Variants in DENND4A observed in about 807,000 individuals in gnomAD.
DENND4A encodes DENN domain containing 4A.
A neutral mutation model predicts 199.3 loss-of-function variants in DENND4A; 70 were observed. That is an observed-to-expected ratio of 0.35 (90% confidence interval 0.29 to 0.43). The LOEUF (loss-of-function observed/expected upper bound fraction) is 0.43, where lower values mean the gene tolerates loss of function less well. Among genes scored for constraint, DENND4A ranks in the 20% least tolerant of loss-of-function variants. The pLI is 1.00. For synonymous variants in DENND4A, 686 were observed against 766.9 expected (o/e 0.89, Z 1.74); for missense variants, 1,723 against 2,255.8 (o/e 0.76, Z 4.78).
In DENND4A at chr15:65,717,826, C is replaced by T; in HGVS notation, c.1759G>A (p.Ala587Thr). 1.2e-6 allele frequency: 2 copies of T among 1,606,470 alleles called. No homozygotes were observed. The highest frequency in any genetic ancestry group is 1.1e-5 in the South Asian group (1 of 89,594). The change falls in exon 13 of 33, where the codon GCC becomes ACC. Residue 587 changes from alanine to threonine, a missense_variant. Physicochemically the swap from Ala to Thr is moderately conservative, Grantham distance 58. Around this residue, in one of 6 missense-constraint regions of DENND4A, gnomAD observed 725 missense variants for 952.9 expected, o/e 0.76. Coordinates refer to ENST00000443035, the MANE Select transcript of DENND4A (RefSeq NM_001320835.1). ...GCATCTGTGGCTGTCTCAGATGGGG[C>T]TTGTGTTATTGGCCTTAAGTATGAT... The part of the protein sequence containing the change: ...YRSYLRPITQ[A>T]PSETATDAAS...
rs2074925320 is a variant in DENND4A, at chr15:65,702,911, G to A, written c.2185C>T (p.Pro729Ser). 1 of 1,613,212 alleles carries A rather than the reference G, an allele frequency of 6.2e-7. No homozygotes were observed. Among genetic ancestry groups the A allele is most frequent in the African/African-American group, 1.3e-5 (1 of 75,002 alleles). ...KNKLPSKSSS[P>S]NSPLPMFRRT... is the part of the protein sequence containing the mutation. Reference sequence around the variant, plus strand: ...CTGAACATGGGCAAAGGGCTATTAGGACTACTTGATTTTGAAGGCAATTTG... The same window carrying A: ...CTGAACATGGGCAAAGGGCTATTAGAACTACTTGATTTTGAAGGCAATTTG... Residue 729 changes from proline to serine, a missense_variant, in exon 16 of 33, where the codon CCT becomes TCT. Physicochemically the swap from Pro to Ser is moderately conservative, Grantham distance 74 (BLOSUM62 -1). Transcript: ENST00000443035.
At position 65,696,224 on chromosome 15, in the gene DENND4A, T is replaced by G. The variant is rs530595371; in HGVS notation, c.3082+142A>C. ...ATGTTATAAAATATAGAACTCAAGT[T>G]ACTAAGCTATGCCATGAGAGGCTGC... On this transcript the variant is annotated intron_variant, in intron 22 of 32. Coordinates refer to ENST00000443035, the MANE Select transcript of DENND4A (RefSeq NM_001320835.1). 1.1e-3 allele frequency: 1,148 copies of G among 1,007,588 alleles called. 6 individuals carry two copies. Among genetic ancestry groups the G allele is most frequent in the Middle Eastern group, 7.0e-3 (30 of 4,308 alleles). 62.4% of individuals were successfully genotyped at this position (1,007,588 alleles called of 1,614,324 possible).
chr15:65,780,494 G>A (rs1373536363), intron 1 of DENND4A, among the ~76,000 whole-genome samples: 1 of 152,118 alleles, frequency 6.6e-6, no homozygotes, highest in Non-Finnish European at 1.5e-5. Flanking sequence ...TTTGTGACAG[G>A]ACACCAAATG....
chr15:65,722,341 G>A (rs971861231), intron 12 of DENND4A, among the ~76,000 whole-genome samples: 8 of 152,096 alleles, frequency 5.3e-5, no homozygotes, highest in African/African-American at 1.9e-4. Context: ...GCCTCATTGT[G>A]TCTGTAGTCC....
At chr15:65,761,957 C>T (rs961269154) in intron 1 of DENND4A, among the ~76,000 whole-genome samples, 1 of 152,174 alleles carries the variant, frequency 6.6e-6, no homozygotes, top group Non-Finnish European at 1.5e-5. Flanking sequence ...CTTCTGTATC[C>T]ATGAGTTCCA....
At chr15:65,727,478 T>A (rs2075836655) in intron 11 of DENND4A, among the ~76,000 whole-genome samples, 1 of 148,710 alleles carries the variant, frequency 6.7e-6, no homozygotes, top group African/African-American at 2.5e-5. Context: ...AAAAAAAAAT[T>A]TAGCCAGGCA....
chr15:65,771,698 A>C, intron 1 of DENND4A: 1 of 1,610,402 alleles, frequency 6.2e-7, no homozygotes, highest in Non-Finnish European at 8.5e-7. Context: ...ACCCCCAAAA[A>C]ATATATTAAA....
At chr15:65,766,424 C>T (rs1301448285) in intron 1 of DENND4A, 7 of 152,200 alleles carry the variant, frequency 4.6e-5, no homozygotes, top group Non-Finnish European at 1.0e-4. Context: ...CTGATTTGAA[C>T]TGTGCAGTTC....
chr15:65,776,680 A>G (rs1317955052), intron 1 of DENND4A, among the ~76,000 whole-genome samples: 1 of 152,220 alleles, frequency 6.6e-6, no homozygotes, highest in Non-Finnish European at 1.5e-5. Flanking sequence ...TTAGACCAGA[A>G]AGAGATACCT....
At chr15:65,685,179 T>C (rs913105932) in intron 23 of DENND4A, among the ~76,000 whole-genome samples, 2 of 151,256 alleles carry the variant, frequency 1.3e-5, no homozygotes, top group African/African-American at 4.9e-5. Context: ...TAGGCCAGAG[T>C]GCAGTGGCGC....
intron 2 of DENND4A, among the ~76,000 whole-genome samples, chr15:65,756,717 T>C (rs191388382): frequency 2.4e-4 from 36 of 152,334 alleles, no homozygotes; most frequent in Non-Finnish European, 4.1e-4. Flanking sequence ...ATTACCTAAG[T>C]AGACAACAAA....
chr15:65,780,192 C>T (rs564385236), intron 1 of DENND4A, among the ~76,000 whole-genome samples: 3 of 152,238 alleles, frequency 2.0e-5, no homozygotes, highest in South Asian at 2.1e-4. Flanking sequence ...GTGCACCACC[C>T]CGCTAGGCCC....
In DENND4A at chr15:65,691,152, G is replaced by C. The variant is rs769062839; in HGVS notation, c.3442C>G (p.Pro1148Ala). ...GCCAAATAGTTAGAACCATCAAAAGGTGTATCATCATCACTAGATTCCTTT... is the reference window on the plus strand; with the variant it reads ...GCCAAATAGTTAGAACCATCAAAAGCTGTATCATCATCACTAGATTCCTTT... ...LEKESSDDDT[P>A]FDGSNYLADK... Residue 1148 changes from proline to alanine, a missense_variant, in exon 23 of 33, where the codon CCT becomes GCT. Pro to Ala is a conservative substitution (Grantham distance 27). Around this residue, in one of 6 missense-constraint regions of DENND4A, gnomAD observed 650 missense variants for 738.1 expected, o/e 0.88. Coordinates refer to ENST00000443035, the MANE Select transcript of DENND4A (RefSeq NM_001320835.1). 3 of 1,613,310 alleles carry C rather than the reference G, an allele frequency of 1.9e-6. No homozygotes were observed. The Admixed American group carries it at 5.0e-5, about 27-fold the overall frequency.
intron 2 of DENND4A, among the ~76,000 whole-genome samples, chr15:65,758,686 G>GTTTAA (rs1421846838): frequency 6.6e-6 from 1 of 152,108 alleles, no homozygotes; most frequent in African/African-American, 2.4e-5. Context: ...TAGGAAAAAA[G>GTTTAA]TTTAATCTAA....
In DENND4A at chr15:65,748,065, GA is replaced by G. The variant is rs1299007692; in HGVS notation, c.561+4313del. Among the ~76,000 whole-genome samples, 586 of 108,876 alleles carry G rather than the reference GA, an allele frequency of 5.4e-3. 6 individuals are homozygous for G. Among genetic ancestry groups the G allele is most frequent in the African/African-American group, 0.015 (404 of 27,288 alleles). The allele number at this position is 108,876 out of a possible 152,430, so 71.4% of individuals were successfully genotyped here. A position where few individuals can be genotyped will look rare whatever the true frequency, so the allele number is the denominator to read the frequency against. On this transcript the variant is annotated intron_variant, in intron 4 of 32. Transcript: ENST00000443035. ...AAAAAAAAAAAAAAAAAAAAAAAAG[GA>G]AAAAAAAAAAGTCTGCTTCCCTACA...
At chr15:65,693,082 T>A (rs1221592179) in intron 22 of DENND4A, among the ~76,000 whole-genome samples, 2 of 152,190 alleles carry the variant, frequency 1.3e-5, no homozygotes, top group Non-Finnish European at 2.9e-5. Context: ...ACAAAAAAGT[T>A]TGCCTGATCC....
At chr15:65,764,298 G>C (rs1355331592) in intron 1 of DENND4A, among the ~76,000 whole-genome samples, 1 of 152,108 alleles carries the variant, frequency 6.6e-6, no homozygotes, top group Non-Finnish European at 1.5e-5. Flanking sequence ...AGGAGTTCAA[G>C]ACCAGCCTGG....
At chr15:65,738,036 G>T (rs1156520672) in intron 6 of DENND4A, 91 bp from the exon 7 acceptor site, 1 of 1,307,832 alleles carries the variant, frequency 7.6e-7, no homozygotes, top group Non-Finnish European at 1.0e-6. Context: ...TGCTTGCTAT[G>T]AGCCAGGTGA....
At chr15:65,768,865 G>T (rs1168007786) in intron 1 of DENND4A, among the ~76,000 whole-genome samples, 1 of 151,660 alleles carries the variant, frequency 6.6e-6, no homozygotes, top group African/African-American at 2.4e-5. Context: ...GTGGTGGCGG[G>T]TGCCTGTAAT....
Sources: gnomAD v4.1 joint callset for allele counts (sites outside exome capture counted in the v4.1 genomes callset) on GRCh38, gnomAD v4.1.1 for gene constraint, gnomAD v4.1.1 regional missense constraint, MANE v1.5 for transcripts, NCBI Gene and HGNC (gene_info 2026-07-23, HGNC 2026-07-21) for gene names.